Variants in PLD3 observed in about 807,000 individuals in gnomAD.
PLD3 encodes 5'-3' exonuclease PLD3.
In PLD3, 31 loss-of-function variants were observed where a neutral mutation model predicts 58.4. The observed-to-expected ratio is 0.53, with a 90% CI of 0.40 to 0.72. PLD3 has a LOEUF of 0.72. Among genes scored for constraint, PLD3 ranks in the 30% least tolerant of loss-of-function variants. The pLI is 0.00. For missense variants in PLD3, 595 were observed against 659.8 expected (o/e 0.90, Z 1.08); for synonymous variants, 264 against 273.4 (o/e 0.97, Z 0.34).
chr19:40,375,277 A>C (rs1204666016), intron 10 of PLD3, among the ~76,000 whole-genome samples: 1 of 151,510 alleles, frequency 6.6e-6, no homozygotes, highest in African/African-American at 2.4e-5. Flanking sequence ...TGGAAACAGG[A>C]TGAGGGGCTT....
chr19:40,367,671 G>A, intron 5 of PLD3, 25 bp from the exon 6 acceptor site: 1 of 1,589,158 alleles, frequency 6.3e-7, no homozygotes, highest in East Asian at 2.3e-5. Flanking sequence ...GCACCGTATG[G>A]CTGATAGCAT....
intron 2 of PLD3, 73 bp downstream of exon 2, chr19:40,366,003 C>T: frequency 6.1e-6 from 1 of 165,162 alleles, no homozygotes; most frequent in Admixed American, 6.1e-5. Flanking sequence ...CCTGGCTGAG[C>T]TGTGTGGTGT....
At chr19:40,361,393 G>A (rs896139855) in intron 1 of PLD3, among the ~76,000 whole-genome samples, 2 of 152,148 alleles carry the variant, frequency 1.3e-5, no homozygotes, top group African/African-American at 4.8e-5. Flanking sequence ...TTACAGGCAT[G>A]AGCCATCACG....
chr19:40,367,457 T>C, intron 5 of PLD3: 2 of 454,244 alleles, frequency 4.4e-6, no homozygotes, highest in Non-Finnish European at 7.9e-6. Context: ...GGTGCACACC[T>C]GTAGTCCCAG....
intron 1 of PLD3, among the ~76,000 whole-genome samples, 178 bp downstream of exon 1, chr19:40,348,946 C>A (rs2078406083): frequency 6.6e-6 from 1 of 151,830 alleles, no homozygotes; most frequent in African/African-American, 2.4e-5. Flanking sequence ...CTTTATGTCA[C>A]CATTCCTCTC....
Position 40,377,798 on chromosome 19 carries a change from G to C in PLD3, c.1198G>C (p.Val400Leu), listed in dbSNP as rs1015327810. Residue 400 changes from valine to leucine, a missense_variant, in exon 12 of 13, where the codon GTC becomes CTC. Transcript: ENST00000409735. The part of the protein sequence containing the change: ...HSDIQVKLFV[V>L]PADEAQARIP... ...CCCTCCCACTCAGAAACTCTTTGTG[G>C]TCCCCGCGGATGAGGCCCAGGCTCG... 6.2e-7 allele frequency: 1 copy of C among 1,613,678 alleles called. No homozygotes were observed. Among genetic ancestry groups the C allele is most frequent in the East Asian group, 2.2e-5 (1 of 44,856 alleles).
At chr19:40,362,371 C>G (rs889640503) in intron 1 of PLD3, among the ~76,000 whole-genome samples, 1 of 152,220 alleles carries the variant, frequency 6.6e-6, no homozygotes, top group Non-Finnish European at 1.5e-5. Flanking sequence ...GTATCTGGCT[C>G]TAGCACTTAC....
chr19:40,354,324 G>A (rs2078599429), intron 1 of PLD3, among the ~76,000 whole-genome samples: 2 of 150,980 alleles, frequency 1.3e-5, no homozygotes, highest in Non-Finnish European at 3.0e-5. Context: ...TGACTGCCTC[G>A]GCCTCCCAAA....
intron 8 of PLD3, chr19:40,371,372 A>C: frequency 8.6e-6 from 3 of 348,194 alleles, no homozygotes; most frequent in Non-Finnish European, 5.4e-6. Flanking sequence ...CAGGCTGGGT[A>C]GTCATGGGAG....
In PLD3 at chr19:40,369,915, A is replaced by G; in HGVS notation, c.437A>G (p.Glu146Gly). 1.3e-6 allele frequency: 2 copies of G among 1,557,808 alleles called. No homozygotes were observed. The highest frequency in any genetic ancestry group is 8.7e-7 in the Non-Finnish European group (1 of 1,151,758). Reference protein sequence around the residue: ...TQEPSAQQGEEVLRQLQTLAP... With the variant: ...TQEPSAQQGEGVLRQLQTLAP... ...GCTCTCCCCTCCCCGCAGGGTGAGG[A>G]GGTCCTCCGGCAGCTGCAGACCCTG... The change falls in exon 7 of 13, where the codon GAG (glutamate) becomes GGG (glycine). Residue 146 changes from glutamate to glycine, a missense_variant. Physicochemically the swap from Glu to Gly is moderately conservative, Grantham distance 98. Coordinates refer to ENST00000409735, the MANE Select transcript of PLD3 (RefSeq NM_012268.4).
In PLD3 at chr19:40,369,988, G is replaced by GC; in HGVS notation, c.514dup (p.Gln172ProfsTer78). ...GCATCGCTGTGAGCAAGCCCAGCGG[G>GC]CCCCAGCCACAGGCGGACCTGCAGG... On this transcript the variant is annotated frameshift_variant, in exon 7 of 13. Transcript: ENST00000409735. LOFTEE classifies it high-confidence loss of function. The GC allele has an allele frequency of 1.9e-6, 3 of 1,559,976 alleles. No individual in the cohort carries two copies. Among genetic ancestry groups the GC allele is most frequent in the Non-Finnish European group, 2.6e-6 (3 of 1,152,990 alleles).
chr19:40,374,516 TC>T lies in PLD3; in HGVS notation c.917del (p.Pro306GlnfsTer3). ...PPPLCPSGRT[P>X]DLKALLNVVD... ...CACCCCTGTGTCCAAGTGGCCGCAC[TC>T]CAGACCTGAAGGCTCTACTCAACGT... On this transcript the variant is annotated frameshift_variant, in exon 10 of 13. Transcript: ENST00000409735. LOFTEE classifies it high-confidence loss of function. The T allele has an allele frequency of 1.2e-6, 2 of 1,614,138 alleles. No individual in the cohort carries two copies. The highest frequency in any genetic ancestry group is 1.7e-6 in the Non-Finnish European group (2 of 1,180,010).
chr19:40,351,881 G>A (rs2078524983), intron 1 of PLD3, among the ~76,000 whole-genome samples: 2 of 152,180 alleles, frequency 1.3e-5, no homozygotes, highest in South Asian at 4.1e-4. Flanking sequence ...ACCCAGGATC[G>A]ACTAGTGAGA....
intron 8 of PLD3, 152 bp downstream of exon 8, chr19:40,370,389 C>A: frequency 2.5e-6 from 2 of 810,992 alleles, no homozygotes; most frequent in Non-Finnish European, 1.9e-6. Context: ...CTCCCTAATC[C>A]AAGCCATGCA....
chr19:40,377,294 G>GA (rs2079245226), intron 11 of PLD3, among the ~76,000 whole-genome samples: 2 of 140,472 alleles, frequency 1.4e-5, no homozygotes, highest in Admixed American at 7.1e-5. Flanking sequence ...GGCTGGGGTT[G>GA]GGGGCACAGG....
chr19:40,357,195 A>G (rs2078675335), intron 1 of PLD3: 1 of 152,210 alleles, frequency 6.6e-6, no homozygotes, highest in African/African-American at 2.4e-5. Context: ...AATCAGCACC[A>G]TTAAACATGA....
rs373001324 is a variant in PLD3 at position 40,378,035 on chromosome 19, G to A, written c.1335G>A (p.Ser445=). The change falls in exon 13 of 13, where the codon TCG becomes TCA. Residue 445 remains serine, a synonymous_variant. Coordinates refer to ENST00000409735, the MANE Select transcript of PLD3 (RefSeq NM_012268.4). ...ACTTCACGGAGACGGCGGGCACCTCGCTGCTGGTGACGCAGAATGGGAGGG... is the reference window on the plus strand; with the variant it reads ...ACTTCACGGAGACGGCGGGCACCTCACTGCTGGTGACGCAGAATGGGAGGG... ...GNYFTETAGT[S]LLVTQNGRGG... is the part of the protein sequence containing the mutation. The A allele has an allele frequency of 1.7e-5, 27 of 1,613,546 alleles. No individual in the cohort carries two copies. The highest frequency in any genetic ancestry group is 6.7e-5 in the African/African-American group (5 of 74,888).
chr19:40,370,061 C>A, intron 7 of PLD3, 33 bp downstream of exon 7: 1 of 1,576,098 alleles, frequency 6.3e-7, no homozygotes, highest in South Asian at 1.2e-5. Flanking sequence ...CTGGTCTGGG[C>A]CTGGGGGTAC....
chr19:40,354,822 G>A (rs1228106032), intron 1 of PLD3, among the ~76,000 whole-genome samples: 3 of 151,150 alleles, frequency 2.0e-5, no homozygotes, highest in Non-Finnish European at 2.9e-5. Context: ...CACCGTGCCC[G>A]GCTGTGTTAT....
Sources: gnomAD v4.1 joint callset for allele counts (sites outside exome capture counted in the v4.1 genomes callset) on GRCh38, gnomAD v4.1.1 for gene constraint, MANE v1.5 for transcripts, NCBI Gene and HGNC (gene_info 2026-07-23, HGNC 2026-07-21) for gene names.